MARCHF1: variants seen among roughly 807,000 people sequenced by gnomAD.
The protein encoded by MARCHF1 is membrane associated ring-CH-type finger 1.
A neutral mutation model predicts 54.2 loss-of-function variants in MARCHF1; 40 were observed. The observed-to-expected ratio is 0.74, with a 90% CI of 0.57 to 0.96. The LOEUF (loss-of-function observed/expected upper bound fraction) is 0.96, where lower values mean the gene tolerates loss of function less well. Ranked by LOEUF, MARCHF1 falls within the 40% of genes least tolerant of loss-of-function variation. The pLI is 0.00. For synonymous variants in MARCHF1, 236 were observed against 236.3 expected (o/e 1.00, Z 0.01); for missense variants, 586 against 656.5 (o/e 0.89, Z 1.17).
intron 2 of MARCHF1, among the ~76,000 whole-genome samples, chr4:164,053,054 A>C (rs897713053): frequency 2.0e-5 from 3 of 152,188 alleles, no homozygotes; most frequent in African/African-American, 7.2e-5. Context: ...GGCAGTCAAC[A>C]ACTCAAGTTT....
In MARCHF1 at chr4:163,612,627, C is replaced by T; in HGVS notation, c.654G>A (p.Glu218=). 1 of 1,535,568 alleles carries T rather than the reference C, an allele frequency of 6.5e-7. No homozygotes were observed. The highest frequency in any genetic ancestry group is 8.7e-7 in the Non-Finnish European group (1 of 1,146,540). The change falls in exon 7 of 10, where the codon GAG becomes GAA. Residue 218 remains glutamate, a synonymous_variant. Transcript: ENST00000514618. The stretch of plus-strand genomic sequence containing the variant: ...TCTCACATTCAATCAGCTCTTGTTG[C>T]TCTTTACCTTTGGATCCCAGATCAA... ...ELVDLGSKGK[E]QQELIECESC...
chr4:164,038,651 C>A, intron 2 of MARCHF1, among the ~76,000 whole-genome samples: 1 of 152,104 alleles, frequency 6.6e-6, no homozygotes, highest in Non-Finnish European at 1.5e-5. Context: ...CATAGTCTAT[C>A]ACTTGTAAAC....
chr4:163,686,358 CATTGGG>C (rs1206326810), intron 5 of MARCHF1, among the ~76,000 whole-genome samples: 3 of 151,574 alleles, frequency 2.0e-5, no homozygotes, highest in Non-Finnish European at 4.4e-5. Flanking sequence ...TCTGTTTCTT[CATTGGG>C]GTTCACATGG....
chr4:163,832,366 T>C (rs958386066), intron 4 of MARCHF1, among the ~76,000 whole-genome samples: 3 of 152,168 alleles, frequency 2.0e-5, no homozygotes, highest in African/African-American at 7.2e-5. Flanking sequence ...TTCAAGCTTC[T>C]ATCGTTTGTA....
chr4:164,021,557 A>C (rs1258456522), intron 2 of MARCHF1, among the ~76,000 whole-genome samples: 1 of 150,264 alleles, frequency 6.7e-6, no homozygotes, highest in African/African-American at 2.5e-5. Context: ...ATATCCCAAA[A>C]CTCTTTGCCT....
chr4:163,830,274 CAT>C (rs1748981568), intron 4 of MARCHF1, among the ~76,000 whole-genome samples: 1 of 150,392 alleles, frequency 6.6e-6, no homozygotes, highest in African/African-American at 2.4e-5. Flanking sequence ...ATATATTAAA[CAT>C]ATAATTGTAT....
chr4:163,599,669 C>T (rs1471922390), intron 7 of MARCHF1, among the ~76,000 whole-genome samples: 4 of 152,250 alleles, frequency 2.6e-5, no homozygotes, highest in South Asian at 2.1e-4. Flanking sequence ...CCAAACTTTA[C>T]CATGCATCAG....
At chr4:163,940,154 C>G (rs12501136) in intron 3 of MARCHF1, among the ~76,000 whole-genome samples, 26,792 of 152,034 alleles carry the variant, frequency 0.18, 2,918 homozygotes, top group South Asian at 0.3. Flanking sequence ...TTACTAGACA[C>G]CAAATCAACT....
chr4:163,742,338 C>A (rs1292123651), intron 4 of MARCHF1, among the ~76,000 whole-genome samples: 1 of 142,042 alleles, frequency 7.0e-6, no homozygotes, highest in Non-Finnish European at 1.5e-5. Context: ...CCCTTTCCCT[C>A]CCTCCCTCTC....
Position 163,732,107 on chromosome 4 carries a change from CA to C in MARCHF1, c.112-31245del, listed in dbSNP as rs555157214. Among the ~76,000 whole-genome samples the C allele has an allele frequency of 1.8e-3, 275 of 151,720 alleles. 1 individual carries two copies. The highest frequency in any genetic ancestry group is 6.4e-3 in the African/African-American group (265 of 41,374). On this transcript the variant is annotated intron_variant, in intron 4 of 9. Transcript: ENST00000514618. ...ATACTGAGAAGGAAAATCAATCATT[CA>C]AAACTTATATATAAATGACACAGAT...
chr4:163,903,535 A>C (rs1020288364), intron 3 of MARCHF1, among the ~76,000 whole-genome samples: 2 of 152,196 alleles, frequency 1.3e-5, no homozygotes, highest in African/African-American at 4.8e-5. Flanking sequence ...CATAAAGTTT[A>C]CATAGAATAA....
At chr4:164,115,959 T>C (rs915891090) in intron 1 of MARCHF1, among the ~76,000 whole-genome samples, 7 of 144,370 alleles carry the variant, frequency 4.8e-5, no homozygotes, top group African/African-American at 1.7e-4. Flanking sequence ...TTTGCTCTCC[T>C]ATCTCTAATT....
At chr4:163,899,146 T>C (rs901589963) in intron 3 of MARCHF1, among the ~76,000 whole-genome samples, 4 of 152,172 alleles carry the variant, frequency 2.6e-5, no homozygotes, top group Non-Finnish European at 5.9e-5. Context: ...CTAACAAACA[T>C]GCATATATAC....
chr4:163,820,492 A>G (rs775624706), intron 4 of MARCHF1, among the ~76,000 whole-genome samples: 3 of 152,004 alleles, frequency 2.0e-5, no homozygotes, highest in Non-Finnish European at 2.9e-5. Context: ...TCAATGATGT[A>G]CTCATACGTA....
intron 2 of MARCHF1, among the ~76,000 whole-genome samples, chr4:164,015,399 C>T (rs1385649661): frequency 6.6e-6 from 1 of 152,006 alleles, no homozygotes; most frequent in Non-Finnish European, 1.5e-5. Context: ...TGTGGGCAAA[C>T]ATTTGTTGAG....
intron 2 of MARCHF1, among the ~76,000 whole-genome samples, chr4:164,047,735 G>T (rs1329019296): frequency 6.6e-6 from 1 of 152,066 alleles, no homozygotes; most frequent in Non-Finnish European, 1.5e-5. Flanking sequence ...ATCCTTCAAG[G>T]TTCAGCCTAA....
chr4:163,537,548 C>G (rs1394089531), intron 9 of MARCHF1, among the ~76,000 whole-genome samples: 1 of 152,176 alleles, frequency 6.6e-6, no homozygotes, highest in African/African-American at 2.4e-5. Flanking sequence ...GCTCATTTAT[C>G]TGAGGCCCAA....
At chr4:163,841,235 A>G (rs1386093472) in intron 4 of MARCHF1, among the ~76,000 whole-genome samples, 1 of 152,090 alleles carries the variant, frequency 6.6e-6, no homozygotes, top group African/African-American at 2.4e-5. Flanking sequence ...CACAGAATGT[A>G]CAAAACTAAG....
chr4:164,053,353 A>G (rs545387190), intron 2 of MARCHF1, among the ~76,000 whole-genome samples: 27 of 152,050 alleles, frequency 1.8e-4, no homozygotes, highest in African/African-American at 6.3e-4. Flanking sequence ...CCCCAAACAT[A>G]GGAATTGAGA....
Sources: allele counts gnomAD v4.1 joint callset (sites outside exome capture counted in the v4.1 genomes callset), GRCh38; gene constraint gnomAD v4.1.1; transcripts MANE v1.5; gene names NCBI Gene and HGNC (gene_info 2026-07-23, HGNC 2026-07-21).